HIPK3: variants seen among roughly 807,000 people sequenced by gnomAD.
HIPK3 encodes the protein homeodomain-interacting protein kinase 3.
A neutral mutation model predicts 124.2 loss-of-function variants in HIPK3; 47 were observed. That is an observed-to-expected ratio of 0.38 (90% CI 0.30 to 0.48). HIPK3 has a LOEUF of 0.48. HIPK3 is among the 20% of genes least tolerant of loss of function. The pLI, the probability that HIPK3 is intolerant of heterozygous loss-of-function variation, is 0.98. For missense variants in HIPK3, 1,286 were observed against 1,454.3 expected, an observed-to-expected ratio of 0.88 and a Z score of 1.88; for synonymous variants, 482 against 515.2, an observed-to-expected ratio of 0.94 and a Z score of 0.87.
At chr11:33,297,870 A>T (rs1406617605) in intron 2 of HIPK3, among the ~76,000 whole-genome samples, 1 of 145,622 alleles carries the variant, frequency 6.9e-6, no homozygotes, top group South Asian at 2.2e-4. Flanking sequence ...GCTCATTGCA[A>T]CCTCTACCTG....
At chr11:33,320,516 T>C (rs1006446003) in intron 2 of HIPK3, among the ~76,000 whole-genome samples, 7 of 152,058 alleles carry the variant, frequency 4.6e-5, no homozygotes, top group Admixed American at 2.6e-4. Flanking sequence ...TGAGAAGAGA[T>C]GGTAGAGGAT....
chr11:33,276,318 A>G (rs1328216122), intron 1 of HIPK3, among the ~76,000 whole-genome samples: 1 of 152,070 alleles, frequency 6.6e-6, no homozygotes, highest in Non-Finnish European at 1.5e-5. Context: ...CTTTATGTTG[A>G]TTTGACATTG....
At chr11:33,272,907 A>G (rs1255115485) in intron 1 of HIPK3, among the ~76,000 whole-genome samples, 4 of 148,288 alleles carry the variant, frequency 2.7e-5, no homozygotes, top group African/African-American at 1.0e-4. Flanking sequence ...GTGCAGTGGT[A>G]GGCACTATCA....
chr11:33,343,647 A>G (rs914348087), intron 8 of HIPK3, among the ~76,000 whole-genome samples: 11 of 152,282 alleles, frequency 7.2e-5, no homozygotes, highest in African/African-American at 2.6e-4. Flanking sequence ...TTACCTCAGT[A>G]CCAAATAAAA....
rs1382585994 is a variant in HIPK3, at chr11:33,287,481, G to A, written c.1067G>A (p.Cys356Tyr). Residue 356 changes from cysteine to tyrosine, a missense_variant, in exon 2 of 17, where the codon TGT becomes TAT. Cys to Tyr is a radical substitution (Grantham distance 194, BLOSUM62 -2). Transcript: ENST00000303296. ...GSASHVSKTV[C>Y]STYLQSRYYR... ...GCCAGTCATGTATCAAAGACTGTTT[G>A]TTCAACATATCTACAATCTCGGTAC... The A allele has an allele frequency of 6.2e-7, 1 of 1,612,862 alleles. No homozygotes were observed.
chr11:33,294,085 C>T (rs1448976855), intron 2 of HIPK3, among the ~76,000 whole-genome samples: 2 of 150,638 alleles, frequency 1.3e-5, no homozygotes, highest in East Asian at 2.0e-4. Context: ...ACCCGGGAGG[C>T]GGAGGTTGCA....
intron 2 of HIPK3, among the ~76,000 whole-genome samples, chr11:33,291,669 G>A (rs919048497): frequency 3.3e-5 from 5 of 152,142 alleles, no homozygotes; most frequent in African/African-American, 7.2e-5. Flanking sequence ...AGGCTTTAGC[G>A]GCAGAAGGTG....
chr11:33,322,305 T>C (rs1387661375), intron 2 of HIPK3, among the ~76,000 whole-genome samples: 1 of 151,938 alleles, frequency 6.6e-6, no homozygotes, highest in Non-Finnish European at 1.5e-5. Context: ...GGCCATTACA[T>C]TCCCAACTTT....
intron 15 of HIPK3, 108 bp downstream of exon 15, chr11:33,351,951 T>C (rs1419571738): frequency 2.8e-6 from 3 of 1,061,702 alleles, no homozygotes; most frequent in Non-Finnish European, 4.1e-6. Context: ...GACTTGACCC[T>C]GCCTTATGTA....
At chr11:33,283,750 C>T (rs1851474257) in intron 1 of HIPK3, among the ~76,000 whole-genome samples, 1 of 151,982 alleles carries the variant, frequency 6.6e-6, no homozygotes, top group Non-Finnish European at 1.5e-5. Context: ...TCTCGGCTCA[C>T]TGCAACCTCT....
chr11:33,338,145 G>T (rs1479897206), intron 4 of HIPK3, among the ~76,000 whole-genome samples: 1 of 152,210 alleles, frequency 6.6e-6, no homozygotes, highest in African/African-American at 2.4e-5. Context: ...GACAGGGAAT[G>T]AATCTAACCA....
intron 2 of HIPK3, among the ~76,000 whole-genome samples, chr11:33,314,077 C>T (rs530458309): frequency 6.4e-4 from 98 of 152,136 alleles, no homozygotes; most frequent in Admixed American, 1.0e-3. Context: ...CTGCCATGGA[C>T]TCCCAAGATG....
intron 2 of HIPK3, among the ~76,000 whole-genome samples, chr11:33,292,050 G>A (rs963201508): frequency 2.6e-5 from 4 of 152,108 alleles, no homozygotes; most frequent in South Asian, 2.1e-4. Flanking sequence ...AGGAAGACCC[G>A]TAAAATAACG....
chr11:33,269,870 C>G (rs1478480234), intron 1 of HIPK3, among the ~76,000 whole-genome samples: 2 of 152,124 alleles, frequency 1.3e-5, no homozygotes, highest in Non-Finnish European at 2.9e-5. Context: ...CCATATTTTT[C>G]CCTTACAGGT....
chr11:33,296,722 T>G (rs184661677), intron 2 of HIPK3, among the ~76,000 whole-genome samples: 3 of 152,330 alleles, frequency 2.0e-5, no homozygotes, highest in Admixed American at 2.0e-4. Context: ...ATGGTGAACG[T>G]AATAAATGTG....
intron 1 of HIPK3, among the ~76,000 whole-genome samples, chr11:33,284,910 AATT>A (rs1851508158): frequency 6.6e-6 from 1 of 152,198 alleles, no homozygotes; most frequent in Non-Finnish European, 1.5e-5. Context: ...ACACCTGTGT[AATT>A]ATCAGTTTTT....
At chr11:33,306,938 C>CT (rs371207899) in intron 2 of HIPK3, among the ~76,000 whole-genome samples, 6,089 of 136,644 alleles carry the variant, frequency 0.045, 193 homozygotes, top group Non-Finnish European at 0.065. Flanking sequence ...GATGCATCCA[C>CT]TTTTTTTTTT....
At chr11:33,274,218 T>G (rs1851212823) in intron 1 of HIPK3, among the ~76,000 whole-genome samples, 1 of 152,204 alleles carries the variant, frequency 6.6e-6, no homozygotes, top group African/African-American at 2.4e-5. Context: ...GGATTCCAGT[T>G]TACCTGTTGA....
chr11:33,273,512 C>CAAA (rs398015727), intron 1 of HIPK3, among the ~76,000 whole-genome samples: 729 of 48,004 alleles, frequency 0.015, 170 homozygotes, highest in African/African-American at 0.049. Flanking sequence ...TCTGTCTCCA[C>CAAA]AAAAAAAAAA....
Sources: gnomAD v4.1 joint callset for allele counts (sites outside exome capture counted in the v4.1 genomes callset) on GRCh38, gnomAD v4.1.1 for gene constraint, MANE v1.5 for transcripts, NCBI Gene and HGNC (gene_info 2026-07-23, HGNC 2026-07-21) for gene names.